The following B4GALT5 variants were observed in gnomAD, a reference collection of about 807,000 sequenced individuals.
The protein encoded by B4GALT5 is beta-1,4-galactosyltransferase 5.
Under a neutral mutation model 45.0 loss-of-function variants are expected in B4GALT5, and 11 were observed. The observed-to-expected ratio is 0.24, with a 90% CI of 0.15 to 0.40. The LOEUF is 0.40. Ranked by LOEUF, B4GALT5 falls within the 10% of genes least tolerant of loss-of-function variation. The pLI is 1.00. For missense variants in B4GALT5, 337 were observed against 500.2 expected, an observed-to-expected ratio of 0.67 and a Z score of 3.11; for synonymous variants, 185 against 182.9, an observed-to-expected ratio of 1.01 and a Z score of -0.09.
At chr20:49,679,819 G>A (rs1916562021) in intron 1 of B4GALT5, among the ~76,000 whole-genome samples, 1 of 152,162 alleles carries the variant, frequency 6.6e-6, no homozygotes, top group African/African-American at 2.4e-5. Context: ...ATCAGGCAAA[G>A]AATGAATAGG....
intron 1 of B4GALT5, among the ~76,000 whole-genome samples, chr20:49,708,609 G>A (rs866710231): frequency 1.3e-3 from 198 of 152,220 alleles, no homozygotes; most frequent in African/African-American, 4.5e-3. Flanking sequence ...CAGTAATCAA[G>A]GAAAGAGAAA....
chr20:49,637,520 A>G, intron 7 of B4GALT5, 78 bp from the exon 8 acceptor site: 2 of 1,032,760 alleles, frequency 1.9e-6, no homozygotes, highest in Non-Finnish European at 3.0e-6. Context: ...AAGACATGTT[A>G]CAAGCTTACC....
chr20:49,708,208 G>A (rs2085893125), intron 1 of B4GALT5, among the ~76,000 whole-genome samples: 1 of 152,010 alleles, frequency 6.6e-6, no homozygotes, highest in Non-Finnish European at 1.5e-5. Context: ...TCATACCACT[G>A]CACTCCAGCC....
chr20:49,702,066 A>C (rs182459689), intron 1 of B4GALT5, among the ~76,000 whole-genome samples: 1 of 152,314 alleles, frequency 6.6e-6, no homozygotes, highest in Non-Finnish European at 1.5e-5. Flanking sequence ...CCACCTCAAA[A>C]AACAACAACA....
At chr20:49,649,865 G>A (rs2085614014) in intron 2 of B4GALT5, among the ~76,000 whole-genome samples, 1 of 152,162 alleles carries the variant, frequency 6.6e-6, no homozygotes, top group African/African-American at 2.4e-5. Context: ...GGCAAGAGAC[G>A]CTGGCTGGAA....
At chr20:49,668,505 A>C (rs1372698311) in intron 1 of B4GALT5, among the ~76,000 whole-genome samples, 1 of 146,922 alleles carries the variant, frequency 6.8e-6, no homozygotes, top group Non-Finnish European at 1.5e-5. Context: ...CCTCAGTATA[A>C]GCTTGGGTGG....
At chr20:49,660,215 C>T (rs1175046393) in intron 1 of B4GALT5, among the ~76,000 whole-genome samples, 5 of 152,184 alleles carry the variant, frequency 3.3e-5, no homozygotes, top group Admixed American at 2.6e-4. Context: ...ACCACACTAA[C>T]GGAGTTGTCC....
At chr20:49,712,525 T>C (rs919209413) in intron 1 of B4GALT5, among the ~76,000 whole-genome samples, 8 of 152,024 alleles carry the variant, frequency 5.3e-5, no homozygotes, top group Admixed American at 4.6e-4. Context: ...GGATAAGACT[T>C]TGAAAAGAAG....
intron 1 of B4GALT5, among the ~76,000 whole-genome samples, chr20:49,690,752 C>T (rs1049497135): frequency 3.3e-5 from 5 of 151,998 alleles, no homozygotes; most frequent in Admixed American, 2.0e-4. Flanking sequence ...GAAGGCATAC[C>T]GATTGATATG....
At chr20:49,713,488 G>T in intron 1 of B4GALT5, 88 bp downstream of exon 1, 1 of 1,379,418 alleles carries the variant, frequency 7.2e-7, no homozygotes, top group Non-Finnish European at 9.9e-7. Context: ...GCCGCCTCCC[G>T]GCCGGGGCCC....
intron 7 of B4GALT5, among the ~76,000 whole-genome samples, chr20:49,639,451 A>G (rs1456730164): frequency 6.6e-6 from 1 of 151,680 alleles, no homozygotes; most frequent in Non-Finnish European, 1.5e-5. Context: ...GTGGCCTCGA[A>G]CTCCCGGGCT....
Position 49,713,509 on chromosome 20 carries a change from G to A in B4GALT5, c.115+67C>T, listed in dbSNP as rs532801952. The A allele has an allele frequency of 2.6e-4, 394 of 1,492,996 alleles. 5 individuals are homozygous for A. In the Middle Eastern group the frequency reaches 4.0e-3, roughly 15 times the overall value. The allele number at this position is 1,492,996 out of a possible 1,614,324, so 92.5% of individuals were successfully genotyped here. A position where few individuals can be genotyped will look rare whatever the true frequency, so the allele number is the denominator to read the frequency against. The stretch of plus-strand genomic sequence containing the variant: ...TCCCGGCCGGGGCCCCTTAGGGAGG[G>A]GCGGGGATTCCCCGGGTCCCTCAAG... On this transcript the variant is annotated intron_variant, in intron 1 of 8. Coordinates refer to ENST00000371711, the MANE Select transcript of B4GALT5 (RefSeq NM_004776.4).
rs570351363 is a variant in B4GALT5 at position 49,636,245 on chromosome 20, C to CA, written c.*66dup. ...CTTGCTGTGTAGACCCTCCCCCCTC[C>CA]AAAAAAAAATCTCATCGGACTGCTT... On this transcript the variant is annotated 3_prime_UTR_variant, in exon 9 of 9. Transcript: ENST00000371711. The CA allele has an allele frequency of 3.2e-4, 503 of 1,550,888 alleles. No individual in the cohort carries two copies. Among genetic ancestry groups the CA allele is most frequent in the African/African-American group, 3.0e-3 (219 of 72,878 alleles).
Position 49,637,459 on chromosome 20 carries a change from G to A in B4GALT5, c.918-17C>T, listed in dbSNP as rs16994756. On this transcript the variant is annotated splice_polypyrimidine_tract_variant and intron_variant, in intron 7 of 8. Coordinates refer to ENST00000371711, the MANE Select transcript of B4GALT5 (RefSeq NM_004776.4). ...TTCTGTACTCTGTCCAAGACCAAGAGAACAGGCTTTTAGATACAACGGTAA... is the reference window on the plus strand; with the variant it reads ...TTCTGTACTCTGTCCAAGACCAAGAAAACAGGCTTTTAGATACAACGGTAA... The A allele has an allele frequency of 3.1e-6, 5 of 1,598,268 alleles. No homozygotes were observed. The highest frequency in any genetic ancestry group is 2.2e-5 in the East Asian group (1 of 44,808).
intron 3 of B4GALT5, 110 bp downstream of exon 3, chr20:49,646,855 A>G (rs1446968482): frequency 9.3e-6 from 6 of 645,264 alleles, no homozygotes; most frequent in Non-Finnish European, 1.5e-5. Flanking sequence ...CCCTGTTTCC[A>G]ATGGCAGGGA....
chr20:49,637,177 C>T (rs1447566126), intron 8 of B4GALT5, among the ~76,000 whole-genome samples, 164 bp downstream of exon 8: 2 of 152,174 alleles, frequency 1.3e-5, no homozygotes, highest in Non-Finnish European at 2.9e-5. Flanking sequence ...CTGATCCCCA[C>T]ACTGTTCTGC....
At position 49,636,454 on chromosome 20, in the gene B4GALT5, G is replaced by A; in HGVS notation, c.1025C>T (p.Ala342Val). ...RGEVQFLGRYALLRKSKERQG... is the reference protein window; with the variant it reads ...RGEVQFLGRYVLLRKSKERQG... ...CCGTTCTTTTGACTTCCTCAGCAGA[G>A]CATACCTGTTTAGGGAGGGAACAGA... The change falls in exon 9 of 9, where the codon GCT (alanine) becomes GTT (valine). Residue 342 changes from alanine to valine, a missense_variant. By Grantham distance (64) the Ala-to-Val change is moderately conservative. Transcript: ENST00000371711. 6.2e-7 allele frequency: 1 copy of A among 1,614,102 alleles called. No individual in the cohort carries two copies. Among genetic ancestry groups the A allele is most frequent in the Non-Finnish European group, 8.5e-7 (1 of 1,179,988 alleles).
At chr20:49,665,264 T>A (rs981082058) in intron 1 of B4GALT5, among the ~76,000 whole-genome samples, 3 of 151,188 alleles carry the variant, frequency 2.0e-5, no homozygotes, top group Admixed American at 1.3e-4. Flanking sequence ...TACAAAAAAA[T>A]TTAAAAATCA....
chr20:49,706,304 T>C (rs542317480), intron 1 of B4GALT5, among the ~76,000 whole-genome samples: 1 of 152,094 alleles, frequency 6.6e-6, no homozygotes, highest in East Asian at 1.9e-4. Context: ...CTGAGAAAGG[T>C]AGTATCCTCT....
Sources: gnomAD v4.1 joint callset for allele counts (sites outside exome capture counted in the v4.1 genomes callset) on GRCh38, gnomAD v4.1.1 for gene constraint, MANE v1.5 for transcripts, NCBI Gene and HGNC (gene_info 2026-07-23, HGNC 2026-07-21) for gene names.